Variants in ADAM10 observed in about 807,000 individuals in gnomAD.
The protein encoded by ADAM10 is ADAM metallopeptidase domain 10.
Under a neutral mutation model 90.1 loss-of-function variants are expected in ADAM10, and 17 were observed. That is an observed-to-expected ratio of 0.19 (90% CI 0.13 to 0.28). The LOEUF (loss-of-function observed/expected upper bound fraction) is 0.28, where lower values mean the gene tolerates loss of function less well. Ranked by LOEUF, ADAM10 falls within the 10% of genes least tolerant of loss-of-function variation. ADAM10 has a pLI of 1.00. For missense variants in ADAM10, 610 were observed against 914.3 expected (o/e 0.67, Z 4.29); for synonymous variants, 310 against 298.6 (o/e 1.04, Z -0.40).
rs1298702570 is a variant in ADAM10 at position 58,597,252 on chromosome 15, C to T, written c.*295G>A. 7 of 927,714 alleles carry T rather than the reference C, an allele frequency of 7.5e-6. No homozygotes were observed. The highest frequency in any genetic ancestry group is 3.0e-5 in the Admixed American group (1 of 33,500). The allele number at this position is 927,714 out of a possible 1,614,324, so 57.5% of individuals were successfully genotyped here. A position where few individuals can be genotyped will look rare whatever the true frequency, so the allele number is the denominator to read the frequency against. ...CCTGCAAGTGAAGAAAATGCAGCAA[C>T]GAAGAACAGGGAACACGGGGCACAT... On this transcript the variant is annotated 3_prime_UTR_variant, in exon 16 of 16. Coordinates refer to ENST00000260408, the MANE Select transcript of ADAM10 (RefSeq NM_001110.4).
intron 2 of ADAM10, among the ~76,000 whole-genome samples, chr15:58,689,560 T>TG (rs1897716503): frequency 6.6e-6 from 1 of 151,856 alleles, no homozygotes. Context: ...AGAAAAACAA[T>TG]GTCAATCCAA....
intron 2 of ADAM10, chr15:58,686,364 TA>T: frequency 1.3e-6 from 1 of 777,970 alleles, no homozygotes; most frequent in Non-Finnish European, 2.2e-6. Flanking sequence ...CCTATCCTAA[TA>T]AAGCTTAAAA....
chr15:58,658,122 T>C (rs1337600842), intron 5 of ADAM10, among the ~76,000 whole-genome samples: 3 of 152,168 alleles, frequency 2.0e-5, no homozygotes, highest in African/African-American at 7.2e-5. Context: ...ATTTCTCCTA[T>C]GTTTTTTCCT....
intron 8 of ADAM10, among the ~76,000 whole-genome samples, chr15:58,638,563 G>A (rs562862950): frequency 3.8e-4 from 57 of 149,264 alleles, no homozygotes; most frequent in Admixed American, 2.1e-3. Context: ...TGCAGTGAGC[G>A]GAGATCGCGC....
At chr15:58,699,480 T>C (rs1004627795) in intron 2 of ADAM10, among the ~76,000 whole-genome samples, 2 of 152,126 alleles carry the variant, frequency 1.3e-5, no homozygotes, top group Non-Finnish European at 2.9e-5. Context: ...ATATACAGGC[T>C]GGGCACAGTG....
At chr15:58,742,564 G>A (rs1218620989) in intron 1 of ADAM10, among the ~76,000 whole-genome samples, 2 of 152,192 alleles carry the variant, frequency 1.3e-5, no homozygotes, top group African/African-American at 4.8e-5. Flanking sequence ...AATATTCTCA[G>A]CACCGCTATT....
chr15:58,650,853 T>A (rs1341133980), intron 5 of ADAM10, among the ~76,000 whole-genome samples: 1 of 152,168 alleles, frequency 6.6e-6, no homozygotes. Flanking sequence ...TCTCTACTTC[T>A]TAAAAACAAT....
intron 12 of ADAM10, 126 bp downstream of exon 12, chr15:58,611,682 G>T: frequency 2.3e-6 from 2 of 867,272 alleles, no homozygotes; most frequent in Non-Finnish European, 3.5e-6. Context: ...ATGGTTTTGT[G>T]AGGGAATATT....
At chr15:58,746,924 G>A (rs754214989) in intron 1 of ADAM10, among the ~76,000 whole-genome samples, 1 of 152,208 alleles carries the variant, frequency 6.6e-6, no homozygotes, top group Non-Finnish European at 1.5e-5. Context: ...CAGAGTCAGA[G>A]AAAGTTTAAC....
chr15:58,680,375 G>A (rs1391729746), intron 3 of ADAM10, among the ~76,000 whole-genome samples: 4 of 152,070 alleles, frequency 2.6e-5, no homozygotes, highest in Non-Finnish European at 5.9e-5. Context: ...CACCTGCCTC[G>A]GCCTCCTAAA....
At chr15:58,675,901 T>G (rs1213425234) in intron 4 of ADAM10, among the ~76,000 whole-genome samples, 1 of 152,136 alleles carries the variant, frequency 6.6e-6, no homozygotes, top group Admixed American at 6.6e-5. Context: ...TTCTTTTTGG[T>G]AAGGATAACA....
chr15:58,651,080 C>T (rs1267415053), intron 5 of ADAM10, among the ~76,000 whole-genome samples: 9 of 151,524 alleles, frequency 5.9e-5, no homozygotes, highest in Admixed American at 2.6e-4. Context: ...AATGTTTTGC[C>T]CATTATCTAT....
chr15:58,722,995 G>C (rs887466653), intron 1 of ADAM10, among the ~76,000 whole-genome samples: 3 of 151,996 alleles, frequency 2.0e-5, no homozygotes, highest in Non-Finnish European at 2.9e-5. Context: ...GCCTCCCAAA[G>C]TGCTGGGATT....
At chr15:58,731,086 C>T (rs952401703) in intron 1 of ADAM10, among the ~76,000 whole-genome samples, 30 of 152,228 alleles carry the variant, frequency 2.0e-4, no homozygotes, top group African/African-American at 6.3e-4. Flanking sequence ...TATGTATATC[C>T]TATTGGTTCT....
chr15:58,655,607 T>C (rs1003905126), intron 5 of ADAM10, among the ~76,000 whole-genome samples: 2 of 147,888 alleles, frequency 1.4e-5, no homozygotes, highest in Non-Finnish European at 3.0e-5. Flanking sequence ...ACTATATTAA[T>C]ATATATTTAC....
chr15:58,602,951 C>A (rs1359583122), intron 14 of ADAM10, among the ~76,000 whole-genome samples: 2 of 152,202 alleles, frequency 1.3e-5, no homozygotes, highest in African/African-American at 4.8e-5. Flanking sequence ...TATTTAAAAT[C>A]TATTTTTAAA....
chr15:58,653,386 G>A (rs532475051), intron 5 of ADAM10, among the ~76,000 whole-genome samples: 11 of 152,194 alleles, frequency 7.2e-5, no homozygotes, highest in South Asian at 6.2e-4. Flanking sequence ...GTTGAGATAC[G>A]TACCTTCTAT....
At chr15:58,602,611 C>G (rs746192181) in intron 14 of ADAM10, among the ~76,000 whole-genome samples, 1 of 152,026 alleles carries the variant, frequency 6.6e-6, no homozygotes, top group South Asian at 2.1e-4. Context: ...TATATACATA[C>G]GTACATATAT....
intron 2 of ADAM10, among the ~76,000 whole-genome samples, chr15:58,693,806 G>A (rs1233391038): frequency 1.4e-5 from 2 of 144,612 alleles, no homozygotes; most frequent in East Asian, 4.0e-4. Flanking sequence ...GAAAACATTT[G>A]CAATACATAT....
Sources: allele counts gnomAD v4.1 joint callset (sites outside exome capture counted in the v4.1 genomes callset), GRCh38; gene constraint gnomAD v4.1.1; transcripts MANE v1.5; gene names NCBI Gene and HGNC (gene_info 2026-07-23, HGNC 2026-07-21).